Variants in CDKL1 observed in about 807,000 individuals in gnomAD.
CDKL1 encodes cyclin dependent kinase like 1.
Under a neutral mutation model 42.0 loss-of-function variants are expected in CDKL1, and 41 were observed. The observed-to-expected ratio is 0.98, with a 90% CI of 0.76 to 1.27. The LOEUF (loss-of-function observed/expected upper bound fraction) is 1.27. CDKL1 is among the 50% of genes most tolerant of loss of function. The probability of loss-of-function intolerance (pLI) is 0.00; values close to 1 mark genes in which losing one functional copy is unlikely to be tolerated. For missense variants in CDKL1, 394 were observed against 428.4 expected, an observed-to-expected ratio of 0.92 and a Z score of 0.71; for synonymous variants, 153 against 158.6, an observed-to-expected ratio of 0.96 and a Z score of 0.26.
At position 50,327,439 on chromosome 14, in the gene CDKL1, TTC is replaced by T. The variant is rs1172743043; in HGVS notation, c.*2633_*2634del. 2 of 151,596 alleles carry T rather than the reference TTC, an allele frequency of 1.3e-5. No individual in the cohort carries two copies. The highest frequency in any genetic ancestry group is 2.9e-5 in the Non-Finnish European group (2 of 68,136). 9.4% of individuals were successfully genotyped at this position (151,596 alleles called of 1,614,324 possible). On this transcript the variant is annotated 3_prime_UTR_variant, in exon 10 of 10. Coordinates refer to ENST00000395834, the MANE Select transcript of CDKL1 (RefSeq NM_004196.7). ...CTTATATGCCAGTTTGTTTATAGAT[TTC>T]TGTGTGTTTGATTTGAACTTTTTTT...
In CDKL1 at chr14:50,377,626, G is replaced by T. The variant is rs372937396; in HGVS notation, c.168+18075C>A. 15 of 1,331,554 alleles carry T rather than the reference G, an allele frequency of 1.1e-5. No homozygotes were observed. In the Admixed American group the frequency reaches 2.3e-4, roughly 20 times the overall value. The allele number at this position is 1,331,554 out of a possible 1,614,324, so 82.5% of individuals were successfully genotyped here. ...AGCAGATGGCAACAAGGACCCCACT[G>T]CTGATGATAAGTGGGGTGGGAGGAG... On this transcript the variant is annotated intron_variant, in intron 2 of 9. Coordinates refer to ENST00000395834, the MANE Select transcript of CDKL1 (RefSeq NM_004196.7).
chr14:50,361,163 TA>T (rs1356165103), intron 2 of CDKL1, among the ~76,000 whole-genome samples: 1 of 152,128 alleles, frequency 6.6e-6, no homozygotes, highest in Non-Finnish European at 1.5e-5. Flanking sequence ...CCATCAGTGA[TA>T]AAAGGTAAAA....
At chr14:50,354,636 A>G (rs2139436401) in intron 3 of CDKL1, among the ~76,000 whole-genome samples, 2 of 152,360 alleles carry the variant, frequency 1.3e-5, no homozygotes, top group South Asian at 4.1e-4. Flanking sequence ...GGGGACAATT[A>G]TAAAAACATA....
chr14:50,378,401 G>A (rs538555696), intron 2 of CDKL1: 2 of 1,366,516 alleles, frequency 1.5e-6, no homozygotes, highest in African/African-American at 2.9e-5. Context: ...CGTCTTGAAG[G>A]GGCTGGGCCG....
At chr14:50,359,928 T>G (rs2034187105) in intron 2 of CDKL1, among the ~76,000 whole-genome samples, 1 of 152,052 alleles carries the variant, frequency 6.6e-6, no homozygotes, top group Non-Finnish European at 1.5e-5. Flanking sequence ...GTCTCTTTTT[T>G]TCTGCAGAAG....
intron 7 of CDKL1, chr14:50,336,233 T>C: frequency 7.6e-7 from 1 of 1,312,968 alleles, no homozygotes; most frequent in Non-Finnish European, 1.0e-6. Context: ...GGGGCACAGA[T>C]GTTCAACCAG....
chr14:50,397,042 T>G, upstream of CDKL1: 1 of 1,295,322 alleles, frequency 7.7e-7, no homozygotes, highest in Non-Finnish European at 1.0e-6. Context: ...CCTCCGTCCA[T>G]GGGAGCTGTC....
At position 50,390,293 on chromosome 14, in the gene CDKL1, G is replaced by A. The variant is rs371472723; in HGVS notation, c.168+5408C>T. 1.1e-4 allele frequency: 151 copies of A among 1,366,212 alleles called. 1 individual carries two copies. In the African/African-American group the frequency reaches 1.4e-3, roughly 13 times the overall value. 84.6% of individuals were successfully genotyped at this position (1,366,212 alleles called of 1,614,324 possible). ...CCATACCACCTGCCATAGGTAGAAC[G>A]TCTGCCCAGGGATCCCACAGTGACA... On this transcript the variant is annotated intron_variant, in intron 2 of 9. Transcript: ENST00000395834.
At position 50,329,825 on chromosome 14, in the gene CDKL1, C is replaced by G. The variant is rs980183050; in HGVS notation, c.*249G>C. 2 of 428,856 alleles carry G rather than the reference C, an allele frequency of 4.7e-6. No individual in the cohort carries two copies. The highest frequency in any genetic ancestry group is 2.1e-5 in the African/African-American group (1 of 47,544). The allele number at this position is 428,856 out of a possible 1,614,324, so 26.6% of individuals were successfully genotyped here. A position where few individuals can be genotyped will look rare whatever the true frequency, so the allele number is the denominator to read the frequency against. ...GTTCATATTCTGTCCATAAGTTCGGCTACTTACATAAACTGAAATACAAGT... is the reference window on the plus strand; with the variant it reads ...GTTCATATTCTGTCCATAAGTTCGGGTACTTACATAAACTGAAATACAAGT... On this transcript the variant is annotated 3_prime_UTR_variant, in exon 10 of 10. Coordinates refer to ENST00000395834, the MANE Select transcript of CDKL1 (RefSeq NM_004196.7).
chr14:50,359,966 C>CA (rs1328650933), intron 2 of CDKL1, among the ~76,000 whole-genome samples: 1 of 151,424 alleles, frequency 6.6e-6, no homozygotes, highest in African/African-American at 2.4e-5. Flanking sequence ...CTAAGAAAGA[C>CA]AAAAAAAAGT....
chr14:50,342,503 A>C, intron 4 of CDKL1: 1 of 977,514 alleles, frequency 1.0e-6, no homozygotes, highest in Non-Finnish European at 1.3e-6. Flanking sequence ...CACCCAGTTA[A>C]ATTTGAATTT....
At chr14:50,332,087 G>A in intron 9 of CDKL1, 175 bp downstream of exon 9, 1 of 1,571,344 alleles carries the variant, frequency 6.4e-7, no homozygotes, top group Admixed American at 1.8e-5. Context: ...TAGGATTCAG[G>A]GAGAGGGGGC....
At chr14:50,376,234 G>A (rs1174920647) in intron 2 of CDKL1, 4 of 325,568 alleles carry the variant, frequency 1.2e-5, no homozygotes, top group African/African-American at 2.2e-5. Flanking sequence ...ATAAAACTGA[G>A]AGCAGGGTAT....
chr14:50,361,840 C>T (rs1566592661), intron 2 of CDKL1, among the ~76,000 whole-genome samples: 1 of 152,276 alleles, frequency 6.6e-6, no homozygotes, highest in African/African-American at 2.4e-5. Context: ...TCTATCTGGG[C>T]TCCCACTTTG....
intron 4 of CDKL1, among the ~76,000 whole-genome samples, chr14:50,344,616 C>T (rs2033669165): frequency 1.3e-5 from 2 of 151,702 alleles, no homozygotes; most frequent in South Asian, 4.2e-4. Flanking sequence ...ACCACAGGCA[C>T]ACACCACCGC....
rs375844029 is a variant in CDKL1, at chr14:50,345,043, G to C, written c.306C>G (p.Leu102=). The change falls in exon 4 of 10, where the codon CTC becomes CTG. Residue 102 remains leucine (L), a synonymous_variant. Coordinates refer to ENST00000395834, the MANE Select transcript of CDKL1 (RefSeq NM_004196.7). The part of the protein sequence containing the change: ...DRYQRGVPEH[L]VKSITWQTLQ... ...GTGTCTGCCAAGTTATGCTCTTCAC[G>C]AGATGTTCTGGTACCCTAATAAAAA... 9.9e-6 allele frequency: 16 copies of C among 1,613,710 alleles called. No individual in the cohort carries two copies. The highest frequency in any genetic ancestry group is 1.3e-5 in the Non-Finnish European group (15 of 1,179,870).
At chr14:50,375,812 C>A (rs901548807) in intron 2 of CDKL1, among the ~76,000 whole-genome samples, 1 of 151,874 alleles carries the variant, frequency 6.6e-6, no homozygotes, top group East Asian at 1.9e-4. Flanking sequence ...AAAAAAATAG[C>A]GGTAAGTCAT....
At chr14:50,386,302 C>T (rs1015293993) in intron 2 of CDKL1, among the ~76,000 whole-genome samples, 1 of 152,036 alleles carries the variant, frequency 6.6e-6, no homozygotes, top group Non-Finnish European at 1.5e-5. Context: ...CACTATGGCT[C>T]ACACGCCTGT....
chr14:50,362,120 A>G (rs10137638), intron 2 of CDKL1: 183,900 of 252,076 alleles, frequency 0.73, 68,908 homozygotes, highest in African/African-American at 0.94. Context: ...GCCTCCCTGC[A>G]GGGCAGGGCT....
Sources: allele counts gnomAD v4.1 joint callset (sites outside exome capture counted in the v4.1 genomes callset), GRCh38; gene constraint gnomAD v4.1.1; transcripts MANE v1.5; gene names NCBI Gene and HGNC (gene_info 2026-07-23, HGNC 2026-07-21).